AIG1: variants seen among roughly 807,000 people sequenced by gnomAD.
AIG1 encodes androgen-induced gene 1 protein.
Under a neutral mutation model 31.4 loss-of-function variants are expected in AIG1, and 23 were observed. The observed-to-expected ratio is 0.73, with a 90% CI of 0.53 to 1.04. The LOEUF (loss-of-function observed/expected upper bound fraction) is 1.04. AIG1 is among the 50% of genes least tolerant of loss of function. The pLI is 0.00. For missense variants in AIG1, 274 were observed against 295.0 expected, an observed-to-expected ratio of 0.93 and a Z score of 0.52; for synonymous variants, 100 against 110.5, an observed-to-expected ratio of 0.90 and a Z score of 0.60.
At chr6:143,242,837 A>G (rs1794338187) in intron 3 of AIG1, among the ~76,000 whole-genome samples, 1 of 152,248 alleles carries the variant, frequency 6.6e-6, no homozygotes, top group Non-Finnish European at 1.5e-5. Flanking sequence ...GCATCTCTGC[A>G]GGAAGTGCAT....
intron 4 of AIG1, among the ~76,000 whole-genome samples, chr6:143,306,958 C>T (rs1799357484): frequency 6.6e-6 from 1 of 152,150 alleles, no homozygotes. Flanking sequence ...ATTTCATCTT[C>T]CATCACTGAT....
chr6:143,091,539 C>T (rs1019496066), intron 1 of AIG1, among the ~76,000 whole-genome samples: 12 of 152,026 alleles, frequency 7.9e-5, no homozygotes, highest in African/African-American at 2.9e-4. Flanking sequence ...TTGCTGACAA[C>T]GAAGAGAAAA....
At chr6:143,264,812 A>G (rs568912607) in intron 3 of AIG1, among the ~76,000 whole-genome samples, 2 of 152,262 alleles carry the variant, frequency 1.3e-5, no homozygotes, top group Admixed American at 1.3e-4. Context: ...AAAAGACCAT[A>G]TATCACTGAA....
At chr6:143,335,299 T>C (rs1777391108) in intron 5 of AIG1, 3 of 381,208 alleles carry the variant, frequency 7.9e-6, no homozygotes, top group African/African-American at 6.2e-5. Flanking sequence ...TTTGGGAGAC[T>C]GAGGCAGGTG....
chr6:143,259,404 T>C (rs1474453379), intron 3 of AIG1, among the ~76,000 whole-genome samples: 1 of 152,202 alleles, frequency 6.6e-6, no homozygotes, highest in Non-Finnish European at 1.5e-5. Flanking sequence ...TACTACACTT[T>C]CTGGTTTTCC....
chr6:143,133,054 A>G (rs1470756046), intron 1 of AIG1, among the ~76,000 whole-genome samples: 1 of 151,688 alleles, frequency 6.6e-6, no homozygotes, highest in East Asian at 1.9e-4. Flanking sequence ...AATGGCTTTT[A>G]TTTTGGTTAA....
intron 1 of AIG1, among the ~76,000 whole-genome samples, chr6:143,076,401 A>G (rs1311452480): frequency 1.3e-5 from 2 of 152,046 alleles, no homozygotes; most frequent in African/African-American, 4.8e-5. Context: ...TCTTTGTATT[A>G]GTGTTTGCAT....
intron 3 of AIG1, among the ~76,000 whole-genome samples, chr6:143,214,922 T>C (rs774285206): frequency 6.6e-6 from 1 of 152,220 alleles, no homozygotes; most frequent in African/African-American, 2.4e-5. Context: ...TGTAAGCCTT[T>C]CCTATGTGCT....
intron 1 of AIG1, among the ~76,000 whole-genome samples, chr6:143,066,182 T>C (rs1435412121): frequency 6.6e-6 from 1 of 152,192 alleles, no homozygotes; most frequent in African/African-American, 2.4e-5. Context: ...ACATTCAAGG[T>C]TGATAAATGC....
At chr6:143,121,109 G>T (rs569423460) in intron 1 of AIG1, among the ~76,000 whole-genome samples, 11 of 152,258 alleles carry the variant, frequency 7.2e-5, no homozygotes, top group African/African-American at 2.6e-4. Context: ...GCTTATCACT[G>T]GCTTGCTGTC....
chr6:143,112,956 A>G (rs1271077177), intron 1 of AIG1, among the ~76,000 whole-genome samples: 2 of 152,174 alleles, frequency 1.3e-5, no homozygotes, highest in Admixed American at 1.3e-4. Flanking sequence ...TAAGCATCTT[A>G]TTTTGTGTGC....
chr6:143,329,848 A>G lies in AIG1; in HGVS notation c.516-3434A>G, dbSNP rs1776928110. Reference sequence around the variant, plus strand: ...TTGGAACACATCCACACTCGTTTACATATTGTCTATGGCTGCTTTTGCACT... The same window carrying G: ...TTGGAACACATCCACACTCGTTTACGTATTGTCTATGGCTGCTTTTGCACT... On this transcript the variant is annotated intron_variant, in intron 4 of 5. Transcript: ENST00000357847. The surrounding 1 kb of genome is among the most constrained non-coding windows in gnomAD (Gnocchi z 4.9). Among the ~76,000 whole-genome samples the G allele has an allele frequency of 6.6e-6, 1 of 152,222 alleles. No homozygotes were observed. Among genetic ancestry groups the G allele is most frequent in the African/African-American group, 2.4e-5 (1 of 41,450 alleles).
chr6:143,214,710 G>T (rs1300010115), intron 3 of AIG1, among the ~76,000 whole-genome samples: 1 of 152,068 alleles, frequency 6.6e-6, no homozygotes, highest in East Asian at 1.9e-4. Flanking sequence ...ACATCTTGGT[G>T]CCATGGTCCC....
At chr6:143,069,491 C>T (rs112775672) in intron 1 of AIG1, among the ~76,000 whole-genome samples, 21 of 152,102 alleles carry the variant, frequency 1.4e-4, no homozygotes, top group Middle Eastern at 3.4e-3. Flanking sequence ...CAGAGTGTGG[C>T]GTTGTCAATT....
chr6:143,172,909 A>G (rs1220136026), intron 3 of AIG1, among the ~76,000 whole-genome samples: 1 of 151,982 alleles, frequency 6.6e-6, no homozygotes, highest in African/African-American at 2.4e-5. Flanking sequence ...ATCAGTTGTA[A>G]TGTCTCCCAT....
At position 143,284,061 on chromosome 6, in the gene AIG1, G is replaced by A; in HGVS notation, c.400-49G>A. Reference sequence around the variant, plus strand: ...TCCTACTGGTGAAAAAACAACTATAGAGAGACAATGATAGCAATCTGTGTC... The same window carrying A: ...TCCTACTGGTGAAAAAACAACTATAAAGAGACAATGATAGCAATCTGTGTC... On this transcript the variant is annotated intron_variant, in intron 3 of 5. Transcript: ENST00000357847. The surrounding 1 kb of genome is among the most constrained non-coding windows in gnomAD (Gnocchi z 4.4). 7.1e-7 allele frequency: 1 copy of A among 1,400,076 alleles called. No individual in the cohort carries two copies. Among genetic ancestry groups the A allele is most frequent in the Non-Finnish European group, 1.0e-6 (1 of 990,074 alleles). 86.7% of individuals were successfully genotyped at this position (1,400,076 alleles called of 1,614,324 possible).
chr6:143,292,253 A>G lies in AIG1; in HGVS notation c.515+8028A>G, dbSNP rs905319412. ...TGTTCCCTGACATGGCATGTGGCAA[A>G]AGGGACTTTGCAGGTGTGATTAAGG... On this transcript the variant is annotated intron_variant, in intron 4 of 5. Coordinates refer to ENST00000357847, the MANE Select transcript of AIG1 (RefSeq NM_016108.4). The surrounding 1 kb of genome is among the most constrained non-coding windows in gnomAD (Gnocchi z 4.9). 2.0e-5 allele frequency among the ~76,000 whole-genome samples: 3 copies of G among 152,204 alleles called. No homozygotes were observed. The highest frequency in any genetic ancestry group is 4.4e-5 in the Non-Finnish European group (3 of 68,042).
At position 143,293,381 on chromosome 6, in the gene AIG1, A is replaced by G. The variant is rs373664883; in HGVS notation, c.515+9156A>G. 1.3e-5 allele frequency among the ~76,000 whole-genome samples: 2 copies of G among 152,144 alleles called. No individual in the cohort carries two copies. Among genetic ancestry groups the G allele is most frequent in the African/African-American group, 4.8e-5 (2 of 41,420 alleles). On this transcript the variant is annotated intron_variant, in intron 4 of 5. Transcript: ENST00000357847. This position sits in a 1 kb window ranked among gnomAD's most constrained non-coding sequence, Gnocchi z 4.8. The stretch of plus-strand genomic sequence containing the variant: ...TTATTTCCGGAGCTCTGCTTTTCCC[A>G]TGAGATTCGAGAATGTCATTGCTTT...
At chr6:143,112,544 C>T (rs1413509768) in intron 1 of AIG1, among the ~76,000 whole-genome samples, 1 of 152,078 alleles carries the variant, frequency 6.6e-6, no homozygotes. Flanking sequence ...CTATGAGGCT[C>T]TCATAGTATA....
Sources: allele counts gnomAD v4.1 joint callset (sites outside exome capture counted in the v4.1 genomes callset), GRCh38; gene constraint gnomAD v4.1.1; non-coding constraint Gnocchi (gnomAD v3.1); transcripts MANE v1.5; gene names NCBI Gene and HGNC (gene_info 2026-07-23, HGNC 2026-07-21).